SLC12A2: variants seen among roughly 807,000 people sequenced by gnomAD.
The protein encoded by SLC12A2 is solute carrier family 12 member 2, also known as Na-K-2Cl cotransporter 1.
SLC12A2 carries 67 observed loss-of-function variants against 136.3 expected under a neutral mutation model. That is an observed-to-expected ratio of 0.49 (90% CI 0.40 to 0.60). The LOEUF (loss-of-function observed/expected upper bound fraction) is 0.60, where lower values mean the gene tolerates loss of function less well. Ranked by LOEUF, SLC12A2 falls within the 20% of genes least tolerant of loss-of-function variation. The pLI is 0.00. For missense variants in SLC12A2, 1,322 were observed against 1,534.7 expected (o/e 0.86, Z 2.32); for synonymous variants, 619 against 562.9 (o/e 1.10, Z -1.41).
intron 1 of SLC12A2, among the ~76,000 whole-genome samples, chr5:128,097,770 TAAAAG>T (rs1394198282): frequency 2.0e-5 from 3 of 152,112 alleles, no homozygotes; most frequent in Non-Finnish European, 4.4e-5. Context: ...AAAAAACAGA[TAAAAG>T]AAAAATATGT....
chr5:128,115,605 A>C (rs1761316675), intron 4 of SLC12A2, among the ~76,000 whole-genome samples: 1 of 152,204 alleles, frequency 6.6e-6, no homozygotes, highest in African/African-American at 2.4e-5. Context: ...CCATTTTCCA[A>C]ATCAAAACTC....
chr5:128,185,280 A>G (rs1763831128), intron 26 of SLC12A2, among the ~76,000 whole-genome samples: 1 of 152,158 alleles, frequency 6.6e-6, no homozygotes, highest in Non-Finnish European at 1.5e-5. Flanking sequence ...TCCTATCTGG[A>G]TCCCCATTCT....
chr5:128,089,422 A>G (rs763672081), intron 1 of SLC12A2, among the ~76,000 whole-genome samples: 29 of 152,138 alleles, frequency 1.9e-4, no homozygotes, highest in Admixed American at 2.0e-4. Flanking sequence ...GTACAGCTCA[A>G]TTTGGACTTC....
In SLC12A2 at chr5:128,131,448, G is replaced by A. The variant is rs148357117; in HGVS notation, c.1188+242G>A. On this transcript the variant is annotated intron_variant, in intron 5 of 26. Transcript: ENST00000262461. The stretch of plus-strand genomic sequence containing the variant: ...GGAGGCCGAGGCGAGCGGATCACGA[G>A]GTCAGGAGATCGAGGCGAGCGGATC... 6.5e-4 allele frequency among the ~76,000 whole-genome samples: 98 copies of A among 151,826 alleles called. No individual in the cohort carries two copies. In the East Asian group the frequency reaches 0.016, roughly 25 times the overall value.
At chr5:128,085,424 G>T (rs1760065493) in intron 1 of SLC12A2, among the ~76,000 whole-genome samples, 1 of 152,122 alleles carries the variant, frequency 6.6e-6, no homozygotes, top group Non-Finnish European at 1.5e-5. Context: ...AGGATGACCA[G>T]AAAGACCTGT....
At chr5:128,132,039 G>T (rs935903156) in intron 5 of SLC12A2, among the ~76,000 whole-genome samples, 3 of 152,118 alleles carry the variant, frequency 2.0e-5, no homozygotes, top group Non-Finnish European at 4.4e-5. Context: ...AAACATTTTT[G>T]TATGGTTCAA....
chr5:128,172,536 C>T (rs774351175), intron 19 of SLC12A2, among the ~76,000 whole-genome samples: 1 of 152,186 alleles, frequency 6.6e-6, no homozygotes, highest in African/African-American at 2.4e-5. Flanking sequence ...ACTTTGTCTC[C>T]AATCATTACT....
intron 1 of SLC12A2, among the ~76,000 whole-genome samples, chr5:128,104,121 TC>T (rs1760838532): frequency 6.6e-6 from 1 of 152,100 alleles, no homozygotes; most frequent in Non-Finnish European, 1.5e-5. Flanking sequence ...TGGGAAAGTA[TC>T]TAAGGGAAGA....
chr5:128,141,968 T>A lies in SLC12A2; in HGVS notation c.1760T>A (p.Met587Lys). Residue 587 changes from methionine to lysine, a missense_variant, in exon 10 of 27, where the codon ATG becomes AAG. By Grantham distance (95) the Met-to-Lys change is moderately conservative. Around this residue, in one of 8 missense-constraint regions of SLC12A2, gnomAD observed 294 missense variants for 436.6 expected, o/e 0.67. Transcript: ENST00000262461. ...AGCAGTCCTTGTTCCTATGGCCTAA[T>A]GAACAACTTCCAGGTGAGCATTGAC... Reference protein sequence around the residue: ...CESSPCSYGLMNNFQVMSMVS... With the variant: ...CESSPCSYGLKNNFQVMSMVS... The A allele has an allele frequency of 6.2e-7, 1 of 1,613,842 alleles. No homozygotes were observed. The highest frequency in any genetic ancestry group is 1.1e-5 in the South Asian group (1 of 91,046).
intron 16 of SLC12A2, 131 bp downstream of exon 16, chr5:128,158,295 C>T: frequency 4.4e-6 from 3 of 681,730 alleles, no homozygotes; most frequent in Non-Finnish European, 7.3e-6. Flanking sequence ...ATTGTTTTGT[C>T]ACCCAGGTAA....
chr5:128,168,244 C>G (rs1476567410), intron 18 of SLC12A2: 1 of 155,850 alleles, frequency 6.4e-6, no homozygotes, highest in Admixed American at 6.5e-5. Context: ...TTATAATGTG[C>G]TGAGGAAGAG....
chr5:128,109,258 C>T (rs975539607), intron 1 of SLC12A2, among the ~76,000 whole-genome samples: 3 of 152,238 alleles, frequency 2.0e-5, no homozygotes, highest in Admixed American at 2.0e-4. Context: ...GCCGGGTCAG[C>T]AGAATCCCTG....
At chr5:128,135,194 T>A (rs1358135397) in intron 6 of SLC12A2, among the ~76,000 whole-genome samples, 1 of 152,056 alleles carries the variant, frequency 6.6e-6, no homozygotes, top group Admixed American at 6.5e-5. Flanking sequence ...CCAATCCCAT[T>A]GCTACTTGAA....
intron 1 of SLC12A2, among the ~76,000 whole-genome samples, chr5:128,091,048 A>G (rs939822089): frequency 2.0e-5 from 3 of 152,230 alleles, no homozygotes; most frequent in Non-Finnish European, 4.4e-5. Context: ...GGGCAAGAGT[A>G]GAAGGCAGGA....
intron 1 of SLC12A2, among the ~76,000 whole-genome samples, chr5:128,095,348 G>C (rs763350113): frequency 1.2e-4 from 19 of 152,060 alleles, no homozygotes; most frequent in Non-Finnish European, 2.5e-4. Context: ...TGGAGTAACA[G>C]TCTCATTTTG....
chr5:128,161,759 C>T lies in SLC12A2; in HGVS notation c.2575C>T (p.His859Tyr), dbSNP rs1763046866. The change falls in exon 17 of 27, where the codon CAT (histidine) becomes TAT (tyrosine). Residue 859 changes from histidine to tyrosine, a missense_variant. His to Tyr is a moderately conservative substitution (Grantham distance 83, BLOSUM62 2). Transcript: ENST00000262461. Reference protein sequence around the residue: ...NKMKAFYAPVHADDLREGAQY... With the variant: ...NKMKAFYAPVYADDLREGAQY... ...AATGAAGGCATTTTATGCTCCAGTA[C>T]ATGCAGATGACTTGAGAGAAGGTGC... is the stretch of plus-strand genomic sequence containing the variant. 1 of 1,512,412 alleles carries T rather than the reference C, an allele frequency of 6.6e-7. No homozygotes were observed. The allele number at this position is 1,512,412 out of a possible 1,614,324, so 93.7% of individuals were successfully genotyped here.
At chr5:128,138,793 A>G (rs1233461683) in intron 8 of SLC12A2, 31 bp from the exon 9 acceptor site, 3 of 1,602,488 alleles carry the variant, frequency 1.9e-6, no homozygotes, top group African/African-American at 2.7e-5. Flanking sequence ...ATTTTTACAG[A>G]TAGACTTTAA....
intron 19 of SLC12A2, 45 bp downstream of exon 19, chr5:128,171,791 C>A: frequency 9.0e-7 from 1 of 1,116,422 alleles, no homozygotes; most frequent in Non-Finnish European, 1.3e-6. Flanking sequence ...AAAATATAAA[C>A]TACTTTGTTA....
intron 1 of SLC12A2, among the ~76,000 whole-genome samples, 155 bp from the exon 2 acceptor site, chr5:128,112,659 C>G (rs1761195823): frequency 1.3e-5 from 2 of 152,120 alleles, no homozygotes; most frequent in Admixed American, 1.3e-4. Context: ...TTGTTTTGTC[C>G]TTTCCTGGGG....
Sources: gnomAD v4.1 joint callset for allele counts (sites outside exome capture counted in the v4.1 genomes callset) on GRCh38, gnomAD v4.1.1 for gene constraint, gnomAD v4.1.1 regional missense constraint, MANE v1.5 for transcripts, NCBI Gene and HGNC (gene_info 2026-07-23, HGNC 2026-07-21) for gene names.